Variants in ATP2C2 observed in about 807,000 individuals in gnomAD.
The protein encoded by ATP2C2 is ATPase secretory pathway Ca2+ transporting 2.
ATP2C2 carries 171 observed loss-of-function variants against 110.8 expected under a neutral mutation model. That is an observed-to-expected ratio of 1.54 (90% CI 1.36 to 1.75). ATP2C2 has a LOEUF of 1.75. Among genes scored for constraint, ATP2C2 ranks in the 40% most tolerant of loss-of-function variants. The probability of loss-of-function intolerance (pLI) is 0.00; values close to 1 mark genes in which losing one functional copy is unlikely to be tolerated. For missense variants in ATP2C2, 1,963 were observed against 1,235.0 expected (o/e 1.59, Z -8.84); for synonymous variants, 804 against 508.4 (o/e 1.58, Z -7.82).
intron 11 of ATP2C2, among the ~76,000 whole-genome samples, chr16:84,428,382 G>A (rs964091467): frequency 6.6e-6 from 1 of 152,216 alleles, no homozygotes; most frequent in African/African-American, 2.4e-5. Context: ...TGAGGGGCAG[G>A]TGGTAAAATC....
At position 84,461,753 on chromosome 16, in the gene ATP2C2, A is replaced by G. The variant is rs1597891863; in HGVS notation, c.2521A>G (p.Met841Val). Residue 841 changes from methionine to valine, a missense_variant, in exon 25 of 27, where the codon ATG (methionine) becomes GTG (valine). Met to Val is a conservative substitution (Grantham distance 21). Transcript: ENST00000262429. ...DRASTPRTTTMTFTCFVFFDL... is the reference protein window; with the variant it reads ...DRASTPRTTTVTFTCFVFFDL... The stretch of plus-strand genomic sequence containing the variant: ...AGCAAGCACTCCCCGCACCACGACG[A>G]TGACGTTCACTTGTTTTGTGTTTTT... 1 of 1,614,164 alleles carries G rather than the reference A, an allele frequency of 6.2e-7. No homozygotes were observed. The highest frequency in any genetic ancestry group is 8.5e-7 in the Non-Finnish European group (1 of 1,180,014).
intron 17 of ATP2C2, among the ~76,000 whole-genome samples, chr16:84,450,782 G>T (rs888413774): frequency 6.6e-6 from 1 of 152,138 alleles, no homozygotes; most frequent in African/African-American, 2.4e-5. Flanking sequence ...CAAGCTCACA[G>T]CAAGAGTCCC....
chr16:84,454,456 A>T (rs1292501197), intron 20 of ATP2C2, among the ~76,000 whole-genome samples: 1 of 152,192 alleles, frequency 6.6e-6, no homozygotes, highest in Non-Finnish European at 1.5e-5. Flanking sequence ...AGGTAGTAAT[A>T]CTTACCAGGT....
intron 4 of ATP2C2, among the ~76,000 whole-genome samples, chr16:84,409,866 A>T (rs1371691074): frequency 2.6e-5 from 4 of 152,142 alleles, no homozygotes; most frequent in Non-Finnish European, 5.9e-5. Context: ...GTATTTTAAA[A>T]TACAAACACA....
At chr16:84,426,889 C>A (rs1216734833) in intron 11 of ATP2C2, among the ~76,000 whole-genome samples, 1 of 152,182 alleles carries the variant, frequency 6.6e-6, no homozygotes, top group Non-Finnish European at 1.5e-5. Context: ...TCATCCCAAG[C>A]CCCTGGGTCC....
chr16:84,387,805 G>C (rs538184370), intron 1 of ATP2C2, among the ~76,000 whole-genome samples: 8 of 152,238 alleles, frequency 5.3e-5, no homozygotes, highest in Middle Eastern at 3.4e-3. Context: ...TCGCCTGGGG[G>C]ACTGGGTGTG....
intron 14 of ATP2C2, among the ~76,000 whole-genome samples, chr16:84,441,848 G>T (rs6564041): frequency 6.6e-6 from 1 of 151,958 alleles, no homozygotes; most frequent in Non-Finnish European, 1.5e-5. Flanking sequence ...CCTTGAACCA[G>T]GGAGGCAGAG....
At position 84,425,719 on chromosome 16, in the gene ATP2C2, T is replaced by A. The variant is rs369705172; in HGVS notation, c.920-16T>A. On this transcript the variant is annotated splice_polypyrimidine_tract_variant and intron_variant, in intron 10 of 26. Transcript: ENST00000262429. Reference sequence around the variant, plus strand: ...TAGTGCATATGGAGATAAGGATGTTTTTGTCTCTTCCCCAGGTCTCATCAT... The same window carrying A: ...TAGTGCATATGGAGATAAGGATGTTATTGTCTCTTCCCCAGGTCTCATCAT... The A allele has an allele frequency of 6.2e-6, 10 of 1,613,416 alleles. No individual in the cohort carries two copies. Among genetic ancestry groups the A allele is most frequent in the Non-Finnish European group, 8.5e-6 (10 of 1,179,496 alleles).
intron 26 of ATP2C2, 181 bp downstream of exon 26, chr16:84,462,310 G>T (rs1403145521): frequency 9.1e-6 from 7 of 771,862 alleles, no homozygotes; most frequent in East Asian, 8.1e-5. Context: ...TGGGTGATGT[G>T]ACGGATGCAC....
At chr16:84,390,883 G>A (rs1312287597) in intron 1 of ATP2C2, among the ~76,000 whole-genome samples, 1 of 152,178 alleles carries the variant, frequency 6.6e-6, no homozygotes, top group African/African-American at 2.4e-5. Context: ...GGAGGCCGAG[G>A]TGGGCGGATC....
intron 7 of ATP2C2, among the ~76,000 whole-genome samples, chr16:84,418,211 G>A (rs968910712): frequency 6.6e-6 from 1 of 152,226 alleles, no homozygotes; most frequent in Non-Finnish European, 1.5e-5. Flanking sequence ...AGCCCTGTGT[G>A]TGGGAGATAG....
chr16:84,379,549 C>A (rs1352207677), intron 1 of ATP2C2, among the ~76,000 whole-genome samples: 1 of 152,194 alleles, frequency 6.6e-6, no homozygotes, highest in African/African-American at 2.4e-5. Context: ...GCCAGAAATG[C>A]AGAATCTCAG....
chr16:84,398,412 ATAAAC>A (rs944684309), intron 1 of ATP2C2, 82 bp from the exon 2 acceptor site: 10 of 800,980 alleles, frequency 1.2e-5, no homozygotes, highest in African/African-American at 9.2e-5. Flanking sequence ...TCTCAAAAAA[ATAAAC>A]TAATAAAAAT....
intron 3 of ATP2C2, among the ~76,000 whole-genome samples, chr16:84,405,588 C>T (rs112030403): frequency 3.7e-4 from 56 of 152,266 alleles, no homozygotes; most frequent in Middle Eastern, 3.4e-3. Flanking sequence ...CCCAGAGTTG[C>T]CAGGTTTAGC....
chr16:84,392,469 T>A (rs1233852427), intron 1 of ATP2C2, among the ~76,000 whole-genome samples: 12 of 152,022 alleles, frequency 7.9e-5, no homozygotes, highest in African/African-American at 2.9e-4. Flanking sequence ...CATCCTTGTG[T>A]TTTTCGTTTT....
Position 84,434,348 on chromosome 16 carries a change from G to A in ATP2C2, c.987-4818G>A, listed in dbSNP as rs530811332. ...GGAGAATCACTTGAACCCTGGAGGC[G>A]GAGGTTGCGGTGAGCCGAGATTGCA... is the stretch of plus-strand genomic sequence containing the variant. On this transcript the variant is annotated intron_variant, in intron 11 of 26. Coordinates refer to ENST00000262429, the MANE Select transcript of ATP2C2 (RefSeq NM_014861.4). 3.7e-3 allele frequency among the ~76,000 whole-genome samples: 566 copies of A among 151,658 alleles called. 4 individuals carry two copies. Among genetic ancestry groups the A allele is most frequent in the African/African-American group, 0.013 (526 of 41,370 alleles).
chr16:84,395,196 CCT>C (rs1449949917), intron 1 of ATP2C2, among the ~76,000 whole-genome samples: 13 of 152,060 alleles, frequency 8.5e-5, no homozygotes. Flanking sequence ...GAGGCTGGGT[CCT>C]CTCTCCTTTG....
chr16:84,388,968 C>T (rs1440208881), intron 1 of ATP2C2, among the ~76,000 whole-genome samples: 1 of 152,078 alleles, frequency 6.6e-6, no homozygotes, highest in Non-Finnish European at 1.5e-5. Flanking sequence ...GATGGGGTTT[C>T]ACCATGTTAC....
At chr16:84,408,343 A>G (rs1035884948) in intron 3 of ATP2C2, 62 bp from the exon 4 acceptor site, 47 of 1,508,728 alleles carry the variant, frequency 3.1e-5, no homozygotes, top group Non-Finnish European at 4.1e-5. Flanking sequence ...TCTGCACAGT[A>G]AGAAACCCAT....
Sources: allele counts gnomAD v4.1 joint callset (sites outside exome capture counted in the v4.1 genomes callset), GRCh38; gene constraint gnomAD v4.1.1; transcripts MANE v1.5; gene names NCBI Gene and HGNC (gene_info 2026-07-23, HGNC 2026-07-21).